The following PLXND1 variants were observed in gnomAD, a reference collection of about 807,000 sequenced individuals.
The protein encoded by PLXND1 is plexin D1.
In PLXND1, 54 loss-of-function variants were observed where a neutral mutation model predicts 197.7. The ratio of observed to expected loss-of-function variants is 0.27; its 90% CI spans 0.22 to 0.34. PLXND1 has a LOEUF of 0.34. Among genes scored for constraint, PLXND1 ranks in the 10% least tolerant of loss-of-function variants. The probability of loss-of-function intolerance (pLI) is 1.00; values close to 1 mark genes in which losing one functional copy is unlikely to be tolerated. For missense variants in PLXND1, 2,127 were observed against 2,699.2 expected (o/e 0.79, Z 4.70); for synonymous variants, 1,180 against 1,161.2 (o/e 1.02, Z -0.33).
intron 20 of PLXND1, chr3:129,569,533 C>T: frequency 3.2e-6 from 1 of 313,420 alleles, no homozygotes; most frequent in East Asian, 5.8e-5. Context: ...CCTGAGTAAT[C>T]CTCTCTTAAG....
Position 129,571,822 on chromosome 3 carries a change from A to T in PLXND1, c.3100T>A (p.Cys1034Ser), listed in dbSNP as rs767671070. 1 of 1,612,754 alleles carries T rather than the reference A, an allele frequency of 6.2e-7. No homozygotes were observed. Among genetic ancestry groups the T allele is most frequent in the Admixed American group, 1.7e-5 (1 of 59,976 alleles). ...ELMRTDTSIA[C>S]TMPEGALPAP... ...GGCAGGGCCCCCTCAGGCATGGTGC[A>T]GGCGATGCTGGTATCTGTGCGCCTG... Residue 1034 changes from cysteine to serine, a missense_variant, in exon 16 of 36, where the codon TGC (cysteine) becomes AGC (serine). Cys to Ser is a moderately radical substitution (Grantham distance 112, BLOSUM62 -1). This residue lies in a region of PLXND1 where 1,095 missense variants were observed against 1,259.8 expected (regional missense o/e 0.87). Transcript: ENST00000324093.
chr3:129,605,408 G>A lies in PLXND1; in HGVS notation c.1232C>T (p.Pro411Leu), dbSNP rs2085773327. Residue 411 changes from proline to leucine, a missense_variant, in exon 1 of 36, where the codon CCG (proline) becomes CTG (leucine). Pro to Leu is a moderately conservative substitution (Grantham distance 98, BLOSUM62 -3). Transcript: ENST00000324093. ...RAARTACFVE[P>L]APDVVAVLDS... is the part of the protein sequence containing the mutation. Reference sequence around the variant, plus strand: ...GAGCACCGCCACCACGTCGGGCGCCGGTTCCACGAAGCAGGCGGTGCGCGC... The same window carrying A: ...GAGCACCGCCACCACGTCGGGCGCCAGTTCCACGAAGCAGGCGGTGCGCGC... The A allele has an allele frequency of 1.3e-6, 2 of 1,500,444 alleles. No homozygotes were observed. Among genetic ancestry groups the A allele is most frequent in the African/African-American group, 1.5e-5 (1 of 68,598 alleles). The allele number at this position is 1,500,444 out of a possible 1,614,324, so 92.9% of individuals were successfully genotyped here.
chr3:129,578,456 G>A (rs1403927019), intron 8 of PLXND1, 23 bp from the exon 9 acceptor site: 1 of 1,412,398 alleles, frequency 7.1e-7, no homozygotes, highest in Non-Finnish European at 9.8e-7. Context: ...CAGAAGGAGA[G>A]GGTGACACAG....
intron 1 of PLXND1, among the ~76,000 whole-genome samples, chr3:129,595,502 C>T (rs1446032759): frequency 6.6e-6 from 1 of 152,214 alleles, no homozygotes; most frequent in Admixed American, 6.5e-5. Context: ...GCACCATGGT[C>T]AGGAAGCCTG....
Position 129,584,134 on chromosome 3 carries a change from G to T in PLXND1, c.2129C>A (p.Pro710His). 1 of 1,559,244 alleles carries T rather than the reference G, an allele frequency of 6.4e-7. No homozygotes were observed. The highest frequency in any genetic ancestry group is 2.4e-5 in the East Asian group (1 of 42,278). The stretch of plus-strand genomic sequence containing the variant: ...CACCCAAGCCACTCACGCTGTGTGG[G>T]GGTACACTTGTGCAGTGCGGCTGCA... ...YDCSRTAQVY[P>H]HTACTSCLSA... Residue 710 changes from proline to histidine, a missense_variant, in exon 7 of 36, where the codon CCC becomes CAC. Pro to His is a moderately conservative substitution (Grantham distance 77). Around this residue, in one of 6 missense-constraint regions of PLXND1, gnomAD observed 1,095 missense variants for 1,259.8 expected, o/e 0.87. Coordinates refer to ENST00000324093, the MANE Select transcript of PLXND1 (RefSeq NM_015103.3).
chr3:129,580,448 C>G (rs979744201), intron 8 of PLXND1, among the ~76,000 whole-genome samples: 61 of 152,316 alleles, frequency 4.0e-4, no homozygotes, highest in African/African-American at 1.4e-3. Context: ...TGTTTCCACT[C>G]AGGCCTCGAA....
rs373240621 is a variant in PLXND1 at position 129,569,899 on chromosome 3, G to A, written c.3809C>T (p.Thr1270Met). 4.5e-5 allele frequency: 72 copies of A among 1,613,240 alleles called. No individual in the cohort carries two copies. Among genetic ancestry groups the A allele is most frequent in the South Asian group, 7.7e-5 (7 of 91,074 alleles). The change falls in exon 20 of 36, where the codon ACG becomes ATG. Residue 1270 changes from threonine (T) to methionine (M), a missense_variant. Thr to Met is a moderately conservative substitution (Grantham distance 81, BLOSUM62 -1). Transcript: ENST00000324093. ...GATGACGATGGACACGATGATGGCC[G>A]TCTCGCTGCCCCCCAGCTGCAGTGT... ...IATLQLGGSETAIIVSIVICS... is the reference protein window; with the variant it reads ...IATLQLGGSEMAIIVSIVICS...
At chr3:129,604,936 G>T (rs1236469904) in intron 1 of PLXND1, among the ~76,000 whole-genome samples, 1 of 152,210 alleles carries the variant, frequency 6.6e-6, no homozygotes, top group South Asian at 2.1e-4. Context: ...ACAGGCTCAC[G>T]CAGTGGCCCC....
At position 129,561,848 on chromosome 3, in the gene PLXND1, T is replaced by G; in HGVS notation, c.4881A>C (p.Ser1627=). The G allele has an allele frequency of 6.2e-7, 1 of 1,613,974 alleles. No homozygotes were observed. Among genetic ancestry groups the G allele is most frequent in the Non-Finnish European group, 8.5e-7 (1 of 1,179,948 alleles). The change falls in exon 28 of 36, where the codon TCA becomes TCC. Residue 1627 remains serine (S), a synonymous_variant. Coordinates refer to ENST00000324093, the MANE Select transcript of PLXND1 (RefSeq NM_015103.3). ...GCTTCTTGCGGCCGTCTTCCACCAC[T>G]GAGGTGTCGTCCAGGTCCCGAAGGA... ...SYILRDLDDT[S]VVEDGRKKLN...
At chr3:129,576,776 C>T (rs77230559) in intron 9 of PLXND1, among the ~76,000 whole-genome samples, 4,237 of 152,274 alleles carry the variant, frequency 0.028, 86 homozygotes, top group Non-Finnish European at 0.044. Context: ...CTCAAGGGGC[C>T]GCACACGGTA....
intron 3 of PLXND1, 118 bp downstream of exon 3, chr3:129,586,470 G>A (rs1373982115): frequency 7.8e-7 from 1 of 1,281,804 alleles, no homozygotes. Flanking sequence ...GGAGTTAGCA[G>A]ATAAGGGAGA....
At position 129,605,652 on chromosome 3, in the gene PLXND1, C is replaced by T. The variant is rs2085779147; in HGVS notation, c.988G>A (p.Asp330Asn). 1 of 1,536,486 alleles carries T rather than the reference C, an allele frequency of 6.5e-7. No homozygotes were observed. The highest frequency in any genetic ancestry group is 8.7e-7 in the Non-Finnish European group (1 of 1,145,258). The change falls in exon 1 of 36, where the codon GAC becomes AAC. Residue 330 changes from aspartate (D) to asparagine (N), a missense_variant. Physicochemically the swap from Asp to Asn is conservative, Grantham distance 23 (BLOSUM62 1). Transcript: ENST00000324093. ...TAGGACTCGGTGAGCTTCTTGGCGT[C>T]GCCGCCGGCGCCGTGGGGCAGGCAG... ...RICLPHGAGG[D>N]AKKLTESYIQ...
chr3:129,567,281 T>C (rs951584954), intron 22 of PLXND1, among the ~76,000 whole-genome samples: 9 of 152,126 alleles, frequency 5.9e-5, no homozygotes, highest in Non-Finnish European at 1.2e-4. Context: ...ATATGGACTG[T>C]TAAACATCAA....
At position 129,572,776 on chromosome 3, in the gene PLXND1, C is replaced by G. The variant is rs757619157; in HGVS notation, c.2938-28G>C. 5.6e-6 allele frequency: 9 copies of G among 1,602,766 alleles called. No individual in the cohort carries two copies. In the African/African-American group the frequency reaches 8.0e-5, roughly 14 times the overall value. On this transcript the variant is annotated intron_variant, in intron 14 of 35. Transcript: ENST00000324093. Reference sequence around the variant, plus strand: ...GTGGGAGGAAGGCAGGCGTTTGGGCCTCGGGCCAGCCCCCGGGAGTGTGCG... The same window carrying G: ...GTGGGAGGAAGGCAGGCGTTTGGGCGTCGGGCCAGCCCCCGGGAGTGTGCG...
At chr3:129,593,170 G>A (rs533469239) in intron 1 of PLXND1, among the ~76,000 whole-genome samples, 13 of 151,980 alleles carry the variant, frequency 8.6e-5, no homozygotes, top group Non-Finnish European at 1.6e-4. Context: ...CCCAGCTCCT[G>A]GCTGTCCTCG....
chr3:129,576,005 A>C, intron 9 of PLXND1, 150 bp from the exon 10 acceptor site: 1 of 638,284 alleles, frequency 1.6e-6, no homozygotes, highest in Admixed American at 2.4e-5. Context: ...CCCGTCCCCC[A>C]AAATCCCCTT....
intron 2 of PLXND1, among the ~76,000 whole-genome samples, chr3:129,588,325 T>C (rs911511188): frequency 6.6e-6 from 1 of 151,490 alleles, no homozygotes; most frequent in Non-Finnish European, 1.5e-5. Flanking sequence ...GGGTAGACAG[T>C]AGGCGCCTAA....
At chr3:129,584,707 G>A in intron 5 of PLXND1, 145 bp from the exon 6 acceptor site, 1 of 697,436 alleles carries the variant, frequency 1.4e-6, no homozygotes, top group Non-Finnish European at 2.4e-6. Context: ...AGGGCCAGAG[G>A]GCTATGCCCT....
intron 1 of PLXND1, among the ~76,000 whole-genome samples, chr3:129,592,231 T>G (rs1326080026): frequency 1.3e-5 from 2 of 152,184 alleles, no homozygotes; most frequent in Non-Finnish European, 2.9e-5. Flanking sequence ...TCTCCCCAGC[T>G]GCCCCAACCA....
Sources: allele counts gnomAD v4.1 joint callset (sites outside exome capture counted in the v4.1 genomes callset), GRCh38; gene constraint gnomAD v4.1.1; regional missense constraint gnomAD v4.1.1; transcripts MANE v1.5; gene names NCBI Gene and HGNC (gene_info 2026-07-23, HGNC 2026-07-21).